Variants in NRXN3 observed in about 807,000 individuals in gnomAD.
NRXN3 encodes the protein neurexin 3, also known as neurexin III.
A neutral mutation model predicts 137.6 loss-of-function variants in NRXN3; 32 were observed. The observed-to-expected ratio is 0.23, with a 90% CI of 0.18 to 0.31. The LOEUF is 0.31. Ranked by LOEUF, NRXN3 falls within the 10% of genes least tolerant of loss-of-function variation. The pLI, the probability that NRXN3 is intolerant of heterozygous loss-of-function variation, is 1.00. For synonymous variants in NRXN3, 798 were observed against 784.5 expected (o/e 1.02, Z -0.29); for missense variants, 1,574 against 2,062.5 (o/e 0.76, Z 4.59).
intron 15 of NRXN3, among the ~76,000 whole-genome samples, chr14:79,233,788 A>T (rs544196001): frequency 6.6e-6 from 1 of 152,194 alleles, no homozygotes; most frequent in East Asian, 1.9e-4. Flanking sequence ...TGATGATCCT[A>T]GAAAATTTAA....
At chr14:79,181,057 C>CAT (rs3035618) in intron 15 of NRXN3, among the ~76,000 whole-genome samples, 3,138 of 145,002 alleles carry the variant, frequency 0.022, 35 homozygotes, top group Middle Eastern at 0.036. Context: ...TGTCTGTGTG[C>CAT]ATATATATAT....
chr14:78,928,144 C>T (rs1414169690), intron 10 of NRXN3, among the ~76,000 whole-genome samples: 2 of 152,098 alleles, frequency 1.3e-5, no homozygotes, highest in East Asian at 1.9e-4. Context: ...CTCACTGCCC[C>T]ACTTCCTCAA....
At chr14:79,101,800 C>T (rs1163778249) in intron 15 of NRXN3, among the ~76,000 whole-genome samples, 1 of 152,108 alleles carries the variant, frequency 6.6e-6, no homozygotes, top group African/African-American at 2.4e-5. Context: ...AAAATGGAAG[C>T]TAAGATGGGG....
At chr14:78,385,893 G>T (rs1007723609) in intron 4 of NRXN3, among the ~76,000 whole-genome samples, 2 of 152,030 alleles carry the variant, frequency 1.3e-5, no homozygotes, top group Non-Finnish European at 2.9e-5. Flanking sequence ...GAACCTTTAG[G>T]ACTACCTGTG....
chr14:78,730,006 C>T (rs1241645052), intron 8 of NRXN3, among the ~76,000 whole-genome samples: 3 of 152,158 alleles, frequency 2.0e-5, no homozygotes, highest in Non-Finnish European at 4.4e-5. Flanking sequence ...CCACCCTCAC[C>T]CCCAATAACA....
chr14:78,387,809 G>T (rs1302553719), intron 4 of NRXN3, among the ~76,000 whole-genome samples: 1 of 152,162 alleles, frequency 6.6e-6, no homozygotes, highest in Non-Finnish European at 1.5e-5. Context: ...TGCTTATAAT[G>T]TAGTCTTATG....
intron 15 of NRXN3, among the ~76,000 whole-genome samples, chr14:79,173,350 T>G (rs183170171): frequency 6.6e-6 from 1 of 151,798 alleles, no homozygotes; most frequent in Non-Finnish European, 1.5e-5. Context: ...GGCGACATGA[T>G]GAGACCCTAT....
chr14:78,189,847 T>C (rs1008875540), intron 1 of NRXN3, among the ~76,000 whole-genome samples: 1 of 152,164 alleles, frequency 6.6e-6, no homozygotes, highest in African/African-American at 2.4e-5. Flanking sequence ...CATTTCATGT[T>C]CCCAGGTCTG....
At chr14:78,654,624 C>T (rs74064169) in intron 6 of NRXN3, among the ~76,000 whole-genome samples, 4,584 of 152,278 alleles carry the variant, frequency 0.03, 250 homozygotes, top group African/African-American at 0.1. Flanking sequence ...TCCACATTGT[C>T]GTCAAACTAT....
At chr14:79,714,516 A>T (rs1268698854) in intron 19 of NRXN3, among the ~76,000 whole-genome samples, 3 of 152,210 alleles carry the variant, frequency 2.0e-5, no homozygotes, top group Non-Finnish European at 2.9e-5. Flanking sequence ...TATAGAAAAC[A>T]TGCATAATTT....
chr14:78,607,434 C>T (rs1319056530), intron 4 of NRXN3, among the ~76,000 whole-genome samples: 3 of 152,170 alleles, frequency 2.0e-5, no homozygotes, highest in Non-Finnish European at 4.4e-5. Context: ...CTTTGATCCG[C>T]TTCCCTGACA....
intron 15 of NRXN3, among the ~76,000 whole-genome samples, chr14:79,375,059 C>G (rs889299155): frequency 1.3e-5 from 2 of 152,098 alleles, no homozygotes; most frequent in African/African-American, 4.8e-5. Flanking sequence ...AGACATCCAC[C>G]TAGTGCTCCT....
At chr14:78,496,975 T>C (rs887848132) in intron 4 of NRXN3, among the ~76,000 whole-genome samples, 18 of 152,078 alleles carry the variant, frequency 1.2e-4, no homozygotes, top group Admixed American at 4.6e-4. Flanking sequence ...AAGATGCTTG[T>C]GTTGGCCTCT....
chr14:79,766,782 G>A lies in NRXN3; in HGVS notation c.4015-38330G>A, dbSNP rs142184665. ...CTTAAAGCCAAGCTACAAAGGACTA[G>A]TAGGGGTTAGCAGGCAGGCAGGAAG... On this transcript the variant is annotated intron_variant, in intron 19 of 20. Coordinates refer to ENST00000335750, the MANE Select transcript of NRXN3 (RefSeq NM_001330195.2). Among the ~76,000 whole-genome samples, 176 of 152,336 alleles carry A rather than the reference G, an allele frequency of 1.2e-3. 1 individual carries two copies. The highest frequency in any genetic ancestry group is 3.5e-3 in the African/African-American group (145 of 41,570).
chr14:79,691,882 T>C (rs1288259423), intron 17 of NRXN3, among the ~76,000 whole-genome samples: 1 of 152,050 alleles, frequency 6.6e-6, no homozygotes, highest in Non-Finnish European at 1.5e-5. Flanking sequence ...GTGGTTGAGA[T>C]GAGACAGAGA....
At chr14:79,824,019 T>C in intron 20 of NRXN3, 3 of 392,156 alleles carry the variant, frequency 7.7e-6, no homozygotes, top group Admixed American at 2.4e-5. Flanking sequence ...GGAACACAGA[T>C]GGAACACGAA....
intron 19 of NRXN3, among the ~76,000 whole-genome samples, chr14:79,780,696 C>T (rs2099111041): frequency 1.3e-5 from 2 of 152,130 alleles, no homozygotes; most frequent in Admixed American, 1.3e-4. Context: ...ATGAAAAGTT[C>T]CATAAAATAA....
intron 19 of NRXN3, among the ~76,000 whole-genome samples, chr14:79,727,706 A>G (rs542895443): frequency 6.6e-6 from 1 of 152,202 alleles, no homozygotes; most frequent in East Asian, 1.9e-4. Context: ...ACTGTGAATG[A>G]CCCTTATTTT....
chr14:79,467,987 G>T (rs889208786), intron 16 of NRXN3, among the ~76,000 whole-genome samples: 2 of 152,176 alleles, frequency 1.3e-5, no homozygotes, highest in African/African-American at 2.4e-5. Flanking sequence ...CCTGTCCTAG[G>T]CTTCAAGCAT....
Sources: allele counts gnomAD v4.1 joint callset (sites outside exome capture counted in the v4.1 genomes callset), GRCh38; gene constraint gnomAD v4.1.1; transcripts MANE v1.5; gene names NCBI Gene and HGNC (gene_info 2026-07-23, HGNC 2026-07-21).